Variants in PDE6A observed in about 807,000 individuals in gnomAD.
The protein encoded by PDE6A is phosphodiesterase 6A, also known as rod cGMP-specific 3',5'-cyclic phosphodiesterase subunit alpha.
Under a neutral mutation model 106.3 loss-of-function variants are expected in PDE6A, and 84 were observed. That is an observed-to-expected ratio of 0.79 (90% CI 0.66 to 0.95). The LOEUF (loss-of-function observed/expected upper bound fraction) is 0.95. Among genes scored for constraint, PDE6A ranks in the 40% least tolerant of loss-of-function variants. The pLI is 0.00. For synonymous variants in PDE6A, 394 were observed against 386.6 expected (o/e 1.02, Z -0.23); for missense variants, 1,052 against 1,084.9 (o/e 0.97, Z 0.43).
In PDE6A at chr5:149,903,713, G is replaced by A. The variant is rs748326635; in HGVS notation, c.1066-18C>T. ...TTGCAAATCTGAGAGCAGTGAAGGG[G>A]AATAATGAAGGTGTGATTAGGCCTG... On this transcript the variant is annotated intron_variant, in intron 7 of 21. Transcript: ENST00000255266. The A allele has an allele frequency of 1.9e-6, 3 of 1,609,834 alleles. No individual in the cohort carries two copies. Among genetic ancestry groups the A allele is most frequent in the Non-Finnish European group, 2.6e-6 (3 of 1,176,218 alleles).
chr5:149,923,860 A>G (rs1753803529), intron 4 of PDE6A, among the ~76,000 whole-genome samples: 1 of 152,222 alleles, frequency 6.6e-6, no homozygotes, highest in Non-Finnish European at 1.5e-5. Context: ...GCACTGGGTT[A>G]CTGTGGGTAG....
At chr5:149,905,628 C>A (rs1753151426) in intron 7 of PDE6A, among the ~76,000 whole-genome samples, 1 of 152,176 alleles carries the variant, frequency 6.6e-6, no homozygotes, top group South Asian at 2.1e-4. Context: ...TTATCCCCTT[C>A]TTGTGTTCTT....
At chr5:149,879,532 G>A (rs894091993) in intron 17 of PDE6A, among the ~76,000 whole-genome samples, 3 of 149,080 alleles carry the variant, frequency 2.0e-5, no homozygotes, top group Non-Finnish European at 3.0e-5. Flanking sequence ...CCACTAACTC[G>A]TCATCTAGCA....
intron 7 of PDE6A, among the ~76,000 whole-genome samples, chr5:149,904,908 C>G (rs1371565131): frequency 2.0e-5 from 3 of 152,110 alleles, no homozygotes; most frequent in African/African-American, 7.2e-5. Flanking sequence ...CCCAGGCATT[C>G]TCCTCTTTTC....
chr5:149,865,195 G>T (rs1246135465), intron 20 of PDE6A, among the ~76,000 whole-genome samples: 1 of 145,848 alleles, frequency 6.9e-6, no homozygotes, highest in Admixed American at 7.0e-5. Flanking sequence ...AGCTGAGATC[G>T]CACCACTGCA....
intron 5 of PDE6A, 54 bp downstream of exon 5, chr5:149,921,581 G>T: frequency 7.1e-7 from 1 of 1,409,692 alleles, no homozygotes; most frequent in Non-Finnish European, 1.0e-6. Flanking sequence ...AGGGTTTACT[G>T]TGCCTTGCAT....
intron 17 of PDE6A, among the ~76,000 whole-genome samples, chr5:149,868,611 C>G (rs1284061556): frequency 6.6e-6 from 1 of 152,224 alleles, no homozygotes; most frequent in Non-Finnish European, 1.5e-5. Context: ...AGTCCCTTTG[C>G]TCTTTTCTAC....
intron 18 of PDE6A, 102 bp downstream of exon 18, chr5:149,867,993 A>G: frequency 8.2e-7 from 1 of 1,226,004 alleles, no homozygotes; most frequent in Non-Finnish European, 1.2e-6. Flanking sequence ...GATGGGACAC[A>G]GGTGAGCTGG....
intron 13 of PDE6A, among the ~76,000 whole-genome samples, chr5:149,890,504 T>C (rs1332813005): frequency 6.6e-6 from 1 of 152,202 alleles, no homozygotes; most frequent in African/African-American, 2.4e-5. Flanking sequence ...ATAAAATTCA[T>C]AGAAATCTAG....
At chr5:149,939,992 C>T (rs1754285260) in intron 1 of PDE6A, 3 of 150,954 alleles carry the variant, frequency 2.0e-5, no homozygotes, top group Admixed American at 2.0e-4. Context: ...AAATCATTCC[C>T]AGTCTGCCAC....
chr5:149,879,234 G>C (rs1192823143), intron 17 of PDE6A, among the ~76,000 whole-genome samples: 1 of 151,830 alleles, frequency 6.6e-6, no homozygotes, highest in Non-Finnish European at 1.5e-5. Flanking sequence ...ACCTCGCCTA[G>C]ATAATTTTTG....
At position 149,907,475 on chromosome 5, in the gene PDE6A, G is replaced by T. The variant is rs1012982200; in HGVS notation, c.999-97C>A. The T allele has an allele frequency of 1.1e-5, 10 of 941,758 alleles. No individual in the cohort carries two copies. In the Admixed American group the frequency reaches 1.8e-4, roughly 17 times the overall value. The allele number at this position is 941,758 out of a possible 1,614,324, so 58.3% of individuals were successfully genotyped here. A position where few individuals can be genotyped will look rare whatever the true frequency, so the allele number is the denominator to read the frequency against. ...TTTGCGCTCCCCCTGCTCTCAGGTGGCTCTCAGCACCTGCTTACATTCACT... is the reference window on the plus strand; with the variant it reads ...TTTGCGCTCCCCCTGCTCTCAGGTGTCTCTCAGCACCTGCTTACATTCACT... On this transcript the variant is annotated intron_variant, in intron 6 of 21. Coordinates refer to ENST00000255266, the MANE Select transcript of PDE6A (RefSeq NM_000440.3).
chr5:149,923,831 G>A (rs1219609741), intron 4 of PDE6A, among the ~76,000 whole-genome samples: 1 of 152,166 alleles, frequency 6.6e-6, no homozygotes, highest in Non-Finnish European at 1.5e-5. Context: ...ACTATACAGG[G>A]ACAAACCGTG....
intron 21 of PDE6A, among the ~76,000 whole-genome samples, chr5:149,861,574 C>T (rs573345699): frequency 6.6e-6 from 1 of 151,942 alleles, no homozygotes; most frequent in African/African-American, 2.4e-5. Flanking sequence ...CGCTTGAGGC[C>T]GGGAATTTGA....
At chr5:149,921,494 G>T in intron 5 of PDE6A, 141 bp downstream of exon 5, 1 of 656,260 alleles carries the variant, frequency 1.5e-6, no homozygotes, top group Non-Finnish European at 2.7e-6. Context: ...TATTGAATAT[G>T]AGAGATTATT....
chr5:149,920,555 G>A (rs1428623922), intron 5 of PDE6A, among the ~76,000 whole-genome samples: 1 of 152,132 alleles, frequency 6.6e-6, no homozygotes, highest in East Asian at 1.9e-4. Context: ...ACTCCAGCCT[G>A]GGTGACAAGA....
At chr5:149,893,124 C>T (rs947452591) in intron 13 of PDE6A, among the ~76,000 whole-genome samples, 1 of 152,200 alleles carries the variant, frequency 6.6e-6, no homozygotes, top group Non-Finnish European at 1.5e-5. Context: ...TTGTGACCCA[C>T]CAGTTGATGA....
chr5:149,920,943 A>AAAGAAAGAAAG lies in PDE6A; in HGVS notation c.933+681_933+691dup, dbSNP rs890856669. ...AAAGAAGAAAGAGAGAAAGAGAGAAAAAGAAAGAAAGAAAGAAAGAAAGAA... is the reference window on the plus strand; with the variant it reads ...AAAGAAGAAAGAGAGAAAGAGAGAAAAAGAAAGAAAGAAGAAAGAAAGAAAGAAAGAAAGAA... On this transcript the variant is annotated intron_variant, in intron 5 of 21. Transcript: ENST00000255266. Among the ~76,000 whole-genome samples, 22 of 5,324 alleles carry AAAGAAAGAAAG rather than the reference A, an allele frequency of 4.1e-3. No homozygotes were observed. The East Asian group carries it at 0.057, about 14-fold the overall frequency. 3.5% of individuals were successfully genotyped at this position (5,324 alleles called of 152,430 possible). A position where few individuals can be genotyped will look rare whatever the true frequency, so the allele number is the denominator to read the frequency against.
intron 4 of PDE6A, among the ~76,000 whole-genome samples, chr5:149,927,737 T>C (rs996356323): frequency 6.6e-6 from 1 of 152,078 alleles, no homozygotes; most frequent in African/African-American, 2.4e-5. Context: ...AATTCTGTTA[T>C]TCTTTTTTCT....
Sources: allele counts gnomAD v4.1 joint callset (sites outside exome capture counted in the v4.1 genomes callset), GRCh38; gene constraint gnomAD v4.1.1; transcripts MANE v1.5; gene names NCBI Gene and HGNC (gene_info 2026-07-23, HGNC 2026-07-21).